The following IFT122 variants were observed in gnomAD, a reference collection of about 807,000 sequenced individuals.
IFT122 encodes the protein intraflagellar transport protein 122 homolog.
IFT122 carries 118 observed loss-of-function variants against 161.6 expected under a neutral mutation model. That is an observed-to-expected ratio of 0.73 (90% CI 0.63 to 0.85). The LOEUF (loss-of-function observed/expected upper bound fraction) is 0.85. Among genes scored for constraint, IFT122 ranks in the 40% least tolerant of loss-of-function variants. IFT122 has a pLI of 0.00. For synonymous variants in IFT122, 550 were observed against 602.4 expected, an observed-to-expected ratio of 0.91 and a Z score of 1.27; for missense variants, 1,381 against 1,579.6, an observed-to-expected ratio of 0.87 and a Z score of 2.13.
chr3:129,492,806 CTTTTTTTTTCTTTTT>C (rs1185175929), intron 17 of IFT122, among the ~76,000 whole-genome samples: 3 of 139,790 alleles, frequency 2.1e-5, no homozygotes, highest in Non-Finnish European at 4.6e-5. Flanking sequence ...CAACACTATG[CTTTTTTTTTCTTTTT>C]TTTTTTTTTT....
chr3:129,490,796 G>C (rs1039598523), intron 16 of IFT122, among the ~76,000 whole-genome samples: 2 of 152,210 alleles, frequency 1.3e-5, no homozygotes, highest in African/African-American at 4.8e-5. Flanking sequence ...CCTACAGCTT[G>C]GGACACAGGT....
At chr3:129,503,567 C>A (rs1334328562) in intron 20 of IFT122, among the ~76,000 whole-genome samples, 1 of 152,020 alleles carries the variant, frequency 6.6e-6, no homozygotes, top group Admixed American at 6.5e-5. Flanking sequence ...CCAAGATCCT[C>A]CCCCGACTCA....
chr3:129,519,857 G>C (rs1560037458), intron 29 of IFT122, 125 bp downstream of exon 29: 3 of 1,164,724 alleles, frequency 2.6e-6, no homozygotes, highest in Non-Finnish European at 3.8e-6. Context: ...TTGGGACAGA[G>C]GCTTGTCTGT....
rs751483019 is a variant in IFT122 at position 129,478,155 on chromosome 3, G to T, written c.1287G>T (p.Lys429Asn). 1 of 1,614,216 alleles carries T rather than the reference G, an allele frequency of 6.2e-7. No individual in the cohort carries two copies. The highest frequency in any genetic ancestry group is 1.1e-5 in the South Asian group (1 of 91,086). The change falls in exon 12 of 30, where the codon AAG (lysine) becomes AAT (asparagine). Residue 429 changes from lysine (K) to asparagine (N), a missense_variant. Physicochemically the swap from Lys to Asn is moderately conservative, Grantham distance 94 (BLOSUM62 0). This residue lies in a region of IFT122 where 544 missense variants were observed against 648.0 expected (regional missense o/e 0.84). Transcript: ENST00000348417. ...ACATGCATTACCGGGTAAAGGAGAA[G>T]ATTATCAAGAAGTTTGAGTGCAACC... ...LSDMHYRVKE[K>N]IIKKFECNLL...
In IFT122 at chr3:129,488,238, C is replaced by G. The variant is rs751575983; in HGVS notation, c.1852-19C>G. 1 of 1,613,802 alleles carries G rather than the reference C, an allele frequency of 6.2e-7. No homozygotes were observed. Among genetic ancestry groups the G allele is most frequent in the African/African-American group, 1.3e-5 (1 of 74,878 alleles). On this transcript the variant is annotated intron_variant, in intron 15 of 29. Coordinates refer to ENST00000348417, the MANE Select transcript of IFT122 (RefSeq NM_052989.3). ...CTCTGAAAACAGTCTTCTTTTTTTC[C>G]CTTGATGAAATCCTGCAGTCCGCTC...
intron 15 of IFT122, chr3:129,483,989 G>T: frequency 2.3e-6 from 1 of 439,734 alleles, no homozygotes; most frequent in Non-Finnish European, 4.3e-6. Context: ...GCGTGGGGCC[G>T]AATGGAGTGA....
In IFT122 at chr3:129,520,266, CCAG is replaced by C. The variant is rs1267196745; in HGVS notation, c.*4_*6del. Reference sequence around the variant, plus strand: ...GTGCAAGGATGACCCTGGCCCATGACCAGCATCCTGGGGACGGCCTGCACCCTC... The same window carrying C: ...GTGCAAGGATGACCCTGGCCCATGACCATCCTGGGGACGGCCTGCACCCTC... On this transcript the variant is annotated 3_prime_UTR_variant, in exon 30 of 30. Transcript: ENST00000348417. 1.9e-6 allele frequency: 3 copies of C among 1,606,836 alleles called. No individual in the cohort carries two copies. In the African/African-American group the frequency reaches 4.0e-5, roughly 21 times the overall value.
chr3:129,493,990 A>G (rs190000332), intron 17 of IFT122, among the ~76,000 whole-genome samples: 4 of 152,258 alleles, frequency 2.6e-5, no homozygotes, highest in Non-Finnish European at 5.9e-5. Context: ...ATTTGCACAC[A>G]TCTGGGTGCT....
chr3:129,451,767 T>G, intron 2 of IFT122, 147 bp from the exon 3 acceptor site: 1 of 700,240 alleles, frequency 1.4e-6, no homozygotes, highest in Non-Finnish European at 2.6e-6. Context: ...GTCACGTTGT[T>G]TTTGGTTTTG....
intron 17 of IFT122, 33 bp downstream of exon 17, chr3:129,492,227 G>C: frequency 1.9e-6 from 3 of 1,541,226 alleles, no homozygotes; most frequent in Non-Finnish European, 2.7e-6. Flanking sequence ...TTCTCAAGAA[G>C]GCATACTTGG....
chr3:129,483,426 T>C, intron 14 of IFT122, 59 bp from the exon 15 acceptor site: 1 of 1,449,084 alleles, frequency 6.9e-7, no homozygotes, highest in South Asian at 1.1e-5. Context: ...CTGAAATGTG[T>C]GAGCGCTGAC....
At chr3:129,459,543 A>C (rs1577340665) in intron 4 of IFT122, 1 of 215,482 alleles carries the variant, frequency 4.6e-6, no homozygotes, top group Non-Finnish European at 9.5e-6. Context: ...TTTTTTTCTC[A>C]CTCTTGTGTC....
Position 129,440,297 on chromosome 3 carries a change from G to C in IFT122, c.-34G>C. The C allele has an allele frequency of 6.5e-7, 1 of 1,549,966 alleles. No homozygotes were observed. The highest frequency in any genetic ancestry group is 8.7e-7 in the Non-Finnish European group (1 of 1,146,746). ...GGTTGCTGAGACAGACGCTGAGGCGGGTAGGAGGAGCCCGAGCCGTAAGGG... is the reference window on the plus strand; with the variant it reads ...GGTTGCTGAGACAGACGCTGAGGCGCGTAGGAGGAGCCCGAGCCGTAAGGG... On this transcript the variant is annotated 5_prime_UTR_variant, in exon 1 of 30. Transcript: ENST00000348417.
At chr3:129,459,294 T>C (rs1465499531) in intron 4 of IFT122, 1 of 453,576 alleles carries the variant, frequency 2.2e-6, no homozygotes, top group Non-Finnish European at 4.4e-6. Flanking sequence ...TTTTGTTTTG[T>C]TTTGTTTTGT....
At chr3:129,463,518 T>C in intron 5 of IFT122, 42 bp from the exon 6 acceptor site, 1 of 1,538,126 alleles carries the variant, frequency 6.5e-7, no homozygotes, top group Non-Finnish European at 9.0e-7. Context: ...CTGGGTAGTA[T>C]TCCAACCAAT....
At position 129,464,560 on chromosome 3, in the gene IFT122, G is replaced by T. The variant is rs58532641; in HGVS notation, c.417-75G>T. ...CATCAGACTTTTATTTCAAACCAAGGCATCATCCTCACTAGTTTTACCTTC... is the reference window on the plus strand; with the variant it reads ...CATCAGACTTTTATTTCAAACCAAGTCATCATCCTCACTAGTTTTACCTTC... On this transcript the variant is annotated intron_variant, in intron 6 of 29. Coordinates refer to ENST00000348417, the MANE Select transcript of IFT122 (RefSeq NM_052989.3). The T allele has an allele frequency of 0.015, 23,603 of 1,566,250 alleles. 1,320 individuals carry two copies. Among genetic ancestry groups the T allele is most frequent in the African/African-American group, 0.13 (9,723 of 73,954 alleles).
intron 9 of IFT122, among the ~76,000 whole-genome samples, chr3:129,474,816 A>G (rs2077725317): frequency 1.3e-5 from 2 of 152,152 alleles, no homozygotes; most frequent in Admixed American, 6.5e-5. Flanking sequence ...AAGTTTTACA[A>G]CTCATATATC....
chr3:129,486,291 ACT>A (rs1295500774), intron 15 of IFT122, among the ~76,000 whole-genome samples: 1 of 151,826 alleles, frequency 6.6e-6, no homozygotes, highest in African/African-American at 2.4e-5. Flanking sequence ...TTCAGTCCTG[ACT>A]CTGCCATCTC....
At chr3:129,465,889 G>T (rs1167388918) in intron 7 of IFT122, among the ~76,000 whole-genome samples, 2 of 93,390 alleles carry the variant, frequency 2.1e-5, no homozygotes, top group Non-Finnish European at 3.6e-5. Flanking sequence ...TGATCCACCC[G>T]CCTCGGCCTC....
Sources: gnomAD v4.1 joint callset for allele counts (sites outside exome capture counted in the v4.1 genomes callset) on GRCh38, gnomAD v4.1.1 for gene constraint, gnomAD v4.1.1 regional missense constraint, MANE v1.5 for transcripts, NCBI Gene and HGNC (gene_info 2026-07-23, HGNC 2026-07-21) for gene names.